SLC38A1: variants seen among roughly 807,000 people sequenced by gnomAD.
SLC38A1 encodes solute carrier family 38 member 1.
Under a neutral mutation model 60.3 loss-of-function variants are expected in SLC38A1, and 18 were observed. The ratio of observed to expected loss-of-function variants is 0.30; its 90% CI spans 0.21 to 0.44. The LOEUF is 0.44. Ranked by LOEUF, SLC38A1 falls within the 20% of genes least tolerant of loss-of-function variation. SLC38A1 has a pLI of 1.00. For synonymous variants in SLC38A1, 196 were observed against 212.1 expected, an observed-to-expected ratio of 0.92 and a Z score of 0.66; for missense variants, 448 against 587.2, an observed-to-expected ratio of 0.76 and a Z score of 2.45.
chr12:46,243,971 CAAAG>C (rs936675992), intron 1 of SLC38A1, among the ~76,000 whole-genome samples: 1 of 152,138 alleles, frequency 6.6e-6, no homozygotes, highest in African/African-American at 2.4e-5. Flanking sequence ...AGAGGATACA[CAAAG>C]AAACTTATCT....
At chr12:46,225,101 G>A (rs1332182366) in intron 5 of SLC38A1, among the ~76,000 whole-genome samples, 2 of 152,126 alleles carry the variant, frequency 1.3e-5, no homozygotes, top group South Asian at 4.1e-4. Flanking sequence ...TATAATAGTA[G>A]ACAATAATGA....
At chr12:46,257,276 T>C (rs140710952) in intron 1 of SLC38A1, among the ~76,000 whole-genome samples, 1 of 152,246 alleles carries the variant, frequency 6.6e-6, no homozygotes, top group Non-Finnish European at 1.5e-5. Context: ...CAGGCTGTAG[T>C]ACCAAGCCCA....
intron 1 of SLC38A1, among the ~76,000 whole-genome samples, chr12:46,249,374 G>C (rs1941751688): frequency 6.6e-6 from 1 of 152,082 alleles, no homozygotes; most frequent in African/African-American, 2.4e-5. Flanking sequence ...ATGCCCACAA[G>C]AGAAAGCAGG....
At chr12:46,238,575 T>G (rs1941336793) in intron 3 of SLC38A1, among the ~76,000 whole-genome samples, 1 of 152,196 alleles carries the variant, frequency 6.6e-6, no homozygotes, top group African/African-American at 2.4e-5. Flanking sequence ...TCCTAATCTT[T>G]CAGGAGGCTG....
At chr12:46,194,895 G>T (rs1939297342) in intron 16 of SLC38A1, among the ~76,000 whole-genome samples, 1 of 152,008 alleles carries the variant, frequency 6.6e-6, no homozygotes, top group African/African-American at 2.4e-5. Context: ...CTTTAGCTCA[G>T]AGAAGTTTGT....
chr12:46,220,945 G>C (rs1940634193), intron 5 of SLC38A1, among the ~76,000 whole-genome samples: 1 of 152,160 alleles, frequency 6.6e-6, no homozygotes, highest in Non-Finnish European at 1.5e-5. Flanking sequence ...GCAACGTGCT[G>C]ATGGGTCTAT....
chr12:46,261,890 T>C (rs958123737), intron 1 of SLC38A1, among the ~76,000 whole-genome samples: 3 of 152,138 alleles, frequency 2.0e-5, no homozygotes, highest in Non-Finnish European at 2.9e-5. Flanking sequence ...TGGAGACATT[T>C]TGGGTTGCAG....
intron 3 of SLC38A1, among the ~76,000 whole-genome samples, chr12:46,238,858 C>G (rs887011690): frequency 1.3e-5 from 2 of 152,128 alleles, no homozygotes; most frequent in Admixed American, 1.3e-4. Context: ...CTTTTATGTA[C>G]TATGTCTCTA....
At position 46,197,734 on chromosome 12, in the gene SLC38A1, T is replaced by C. The variant is rs970234100; in HGVS notation, c.1348A>G (p.Thr450Ala). ...KITDQDGDKG[T>A]QRIWAALFLG... The stretch of plus-strand genomic sequence containing the variant: ...AAGAGACATACCCAAATTCTTTGAG[T>C]TCCTTTATCTCCATCCTGGTCTGTG... Residue 450 changes from threonine to alanine, a missense_variant, in exon 16 of 17, where the codon ACT becomes GCT. Coordinates refer to ENST00000398637, the MANE Select transcript of SLC38A1 (RefSeq NM_030674.4). The C allele has an allele frequency of 6.3e-7, 1 of 1,588,214 alleles. No homozygotes were observed. The highest frequency in any genetic ancestry group is 8.5e-7 in the Non-Finnish European group (1 of 1,171,126).
intron 16 of SLC38A1, among the ~76,000 whole-genome samples, chr12:46,190,943 C>A (rs1592055854): frequency 6.6e-6 from 1 of 152,092 alleles, no homozygotes. Flanking sequence ...TGAATTAGAT[C>A]CCATTTGTCT....
In SLC38A1 at chr12:46,197,905, T is replaced by A. The variant is rs370697142; in HGVS notation, c.1264+14A>T. Reference sequence around the variant, plus strand: ...CTACTGTAGAATGACAAGCACAAAGTCATGAAGCCATACCTACGACTCCAA... The same window carrying A: ...CTACTGTAGAATGACAAGCACAAAGACATGAAGCCATACCTACGACTCCAA... On this transcript the variant is annotated intron_variant, in intron 15 of 16. Transcript: ENST00000398637. 1 of 1,613,388 alleles carries A rather than the reference T, an allele frequency of 6.2e-7. No individual in the cohort carries two copies.
chr12:46,196,369 A>G, intron 16 of SLC38A1: 1 of 1,477,184 alleles, frequency 6.8e-7, no homozygotes, highest in South Asian at 1.3e-5. Flanking sequence ...CCTTACACAG[A>G]TGGAACCCTT....
chr12:46,188,065 C>A lies in SLC38A1; in HGVS notation c.*905G>T, dbSNP rs1938999352. 1 of 152,140 alleles carries A rather than the reference C, an allele frequency of 6.6e-6. No individual in the cohort carries two copies. The highest frequency in any genetic ancestry group is 2.4e-5 in the African/African-American group (1 of 41,414). The allele number at this position is 152,140 out of a possible 1,614,324, so 9.4% of individuals were successfully genotyped here. ...TACTAAAACATTTTTCTCCCTTCAGCAAGACAGGTAGGGTTGAAGGCTAAA... is the reference window on the plus strand; with the variant it reads ...TACTAAAACATTTTTCTCCCTTCAGAAAGACAGGTAGGGTTGAAGGCTAAA... On this transcript the variant is annotated 3_prime_UTR_variant, in exon 17 of 17. Coordinates refer to ENST00000398637, the MANE Select transcript of SLC38A1 (RefSeq NM_030674.4).
intron 16 of SLC38A1, among the ~76,000 whole-genome samples, chr12:46,192,148 G>C (rs1213931880): frequency 2.0e-5 from 3 of 152,220 alleles, no homozygotes; most frequent in Non-Finnish European, 4.4e-5. Context: ...ATGAAGCACT[G>C]TTGAATTTTG....
chr12:46,239,931 G>A, intron 2 of SLC38A1, 38 bp from the exon 3 acceptor site: 2 of 720,966 alleles, frequency 2.8e-6, no homozygotes, highest in Non-Finnish European at 4.4e-6. Context: ...CTAAACATAT[G>A]AAACGCTACT....
chr12:46,245,968 T>C (rs1941600821), intron 1 of SLC38A1, among the ~76,000 whole-genome samples: 1 of 152,214 alleles, frequency 6.6e-6, no homozygotes, highest in African/African-American at 2.4e-5. Flanking sequence ...TGTATTGTAT[T>C]GTAAGCATTT....
chr12:46,256,934 G>A (rs1942050063), intron 1 of SLC38A1, among the ~76,000 whole-genome samples: 1 of 152,114 alleles, frequency 6.6e-6, no homozygotes. Flanking sequence ...TTCAACATGT[G>A]GTGTCTGGGT....
In SLC38A1 at chr12:46,240,015, A is replaced by G. The variant is rs1174017149; in HGVS notation, c.-93-122T>C. 49 of 507,938 alleles carry G rather than the reference A, an allele frequency of 9.6e-5. No individual in the cohort carries two copies. The East Asian group carries it at 1.6e-3, about 16-fold the overall frequency. The allele number at this position is 507,938 out of a possible 1,614,324, so 31.5% of individuals were successfully genotyped here. On this transcript the variant is annotated intron_variant, in intron 2 of 16. Coordinates refer to ENST00000398637, the MANE Select transcript of SLC38A1 (RefSeq NM_030674.4). ...ATACAATTTTACATGTTGCTACTAG[A>G]TGCATTAAAGCAATCTTTGTCTATC...
At chr12:46,244,193 G>A (rs879877994) in intron 1 of SLC38A1, among the ~76,000 whole-genome samples, 4 of 152,152 alleles carry the variant, frequency 2.6e-5, no homozygotes, top group African/African-American at 7.2e-5. Flanking sequence ...AAAGTAGAAC[G>A]GTGGAGAAAT....
Sources: allele counts gnomAD v4.1 joint callset (sites outside exome capture counted in the v4.1 genomes callset), GRCh38; gene constraint gnomAD v4.1.1; transcripts MANE v1.5; gene names NCBI Gene and HGNC (gene_info 2026-07-23, HGNC 2026-07-21).